Variants in PTPN21 observed in about 807,000 individuals in gnomAD.
PTPN21 encodes protein tyrosine phosphatase non-receptor type 21.
Under a neutral mutation model 131.8 loss-of-function variants are expected in PTPN21, and 77 were observed. The observed-to-expected ratio is 0.58, with a 90% CI of 0.49 to 0.71. PTPN21 has a LOEUF of 0.71. Among genes scored for constraint, PTPN21 ranks in the 30% least tolerant of loss-of-function variants. The pLI, the probability that PTPN21 is intolerant of heterozygous loss-of-function variation, is 0.00. For synonymous variants in PTPN21, 715 were observed against 621.3 expected, an observed-to-expected ratio of 1.15 and a Z score of -2.24; for missense variants, 1,552 against 1,527.1, an observed-to-expected ratio of 1.02 and a Z score of -0.27.
At chr14:88,503,674 C>T (rs751128906) in intron 6 of PTPN21, among the ~76,000 whole-genome samples, 6 of 152,070 alleles carry the variant, frequency 3.9e-5, no homozygotes, top group Admixed American at 1.3e-4. Context: ...TCTGAGAACA[C>T]GTAGGGTAGG....
At chr14:88,470,914 C>CA (rs2077454883) in intron 15 of PTPN21, among the ~76,000 whole-genome samples, 1 of 152,170 alleles carries the variant, frequency 6.6e-6, no homozygotes, top group Non-Finnish European at 1.5e-5. Flanking sequence ...GGTCCCACCT[C>CA]ATTTTAGATC....
At chr14:88,487,174 T>C (rs1462212968) in intron 10 of PTPN21, among the ~76,000 whole-genome samples, 1 of 151,972 alleles carries the variant, frequency 6.6e-6, no homozygotes, top group East Asian at 1.9e-4. Context: ...TTTTTTCTTC[T>C]GTGTGGTCAG....
intron 12 of PTPN21, among the ~76,000 whole-genome samples, chr14:88,482,308 T>C (rs1366661445): frequency 6.6e-6 from 1 of 151,764 alleles, no homozygotes; most frequent in Non-Finnish European, 1.5e-5. Flanking sequence ...TTGTGTGGAG[T>C]CTCGAACACC....
chr14:88,469,557 G>A lies in PTPN21; in HGVS notation c.3177C>T (p.His1059=), dbSNP rs1399398830. ...LLTGQERTVW[H]LQYTDWPEHG... Reference sequence around the variant, plus strand: ...GTTCAGGCCAGTCTGTGTATTGGAGGTGCCAGACGGTCCTCTCTTGCCCAG... The same window carrying A: ...GTTCAGGCCAGTCTGTGTATTGGAGATGCCAGACGGTCCTCTCTTGCCCAG... Residue 1059 remains histidine (H), a synonymous_variant, in exon 17 of 19, where the codon CAC becomes CAT. Transcript: ENST00000556564. The surrounding 1 kb of genome is among the most constrained non-coding windows in gnomAD (Gnocchi z 4.3). 3.1e-6 allele frequency: 5 copies of A among 1,614,044 alleles called. No homozygotes were observed. The Admixed American group carries it at 5.0e-5, about 16-fold the overall frequency.
rs1173294222 is a variant in PTPN21, at chr14:88,473,010, A to AT, written c.2650-546dup. ...TGGCCTAAAGAAATTTGTTGAATTC[A>AT]TTTTCTCTAGATCTGTGGTCAATTT... On this transcript the variant is annotated intron_variant, in intron 14 of 18. Coordinates refer to ENST00000556564, the MANE Select transcript of PTPN21 (RefSeq NM_007039.4). Among the ~76,000 whole-genome samples the AT allele has an allele frequency of 2.0e-5, 3 of 152,260 alleles. No homozygotes were observed. In the East Asian group the frequency reaches 5.8e-4, roughly 29 times the overall value.
chr14:88,517,429 T>C (rs940441574), intron 2 of PTPN21, among the ~76,000 whole-genome samples, 168 bp from the exon 3 acceptor site: 1 of 152,052 alleles, frequency 6.6e-6, no homozygotes, highest in Non-Finnish European at 1.5e-5. Flanking sequence ...AGGTAAGACC[T>C]ATCTGTAACT....
rs766624901 is a variant in PTPN21, at chr14:88,479,940, G to A, written c.1491C>T (p.Arg497=). 1.9e-6 allele frequency: 3 copies of A among 1,606,456 alleles called. No individual in the cohort carries two copies. The highest frequency in any genetic ancestry group is 2.2e-5 in the East Asian group (1 of 44,860). Reference sequence around the variant, plus strand: ...CTGGCGAGGGGAGCTGTGCGTGCTCGCGGATCTCGGGCTGGCTGTAGACCA... The same window carrying A: ...CTGGCGAGGGGAGCTGTGCGTGCTCACGGATCTCGGGCTGGCTGTAGACCA... ...AALVYSQPEI[R]EHAQLPSPAA... is the part of the protein sequence containing the mutation. Residue 497 remains arginine, a synonymous_variant, in exon 13 of 19, where the codon CGC becomes CGT. Coordinates refer to ENST00000556564, the MANE Select transcript of PTPN21 (RefSeq NM_007039.4).
intron 2 of PTPN21, among the ~76,000 whole-genome samples, chr14:88,519,743 C>T (rs1006400506): frequency 1.3e-5 from 2 of 152,122 alleles, no homozygotes; most frequent in African/African-American, 4.8e-5. Context: ...TAGAATACTG[C>T]TGGAATTCAA....
At chr14:88,491,891 G>GCCAA (rs1332255015) in intron 10 of PTPN21, among the ~76,000 whole-genome samples, 1 of 152,134 alleles carries the variant, frequency 6.6e-6, no homozygotes, top group Non-Finnish European at 1.5e-5. Context: ...TGACATTAAT[G>GCCAA]TAGTTTTGTT....
intron 13 of PTPN21, among the ~76,000 whole-genome samples, chr14:88,474,131 C>CAAAAAAAAAAA (rs754719071): frequency 4.1e-4 from 19 of 46,654 alleles, no homozygotes; most frequent in African/African-American, 7.1e-4. Context: ...AGCTGAAGTC[C>CAAAAAAAAAAA]AAAAAAAAAA....
chr14:88,511,058 G>A (rs924147132), intron 3 of PTPN21, among the ~76,000 whole-genome samples: 5 of 151,916 alleles, frequency 3.3e-5, no homozygotes, highest in Non-Finnish European at 5.9e-5. Context: ...GACCACAGGT[G>A]TACACCACCA....
At chr14:88,501,642 A>C (rs1335938133) in intron 6 of PTPN21, among the ~76,000 whole-genome samples, 3 of 152,126 alleles carry the variant, frequency 2.0e-5, no homozygotes, top group Non-Finnish European at 4.4e-5. Flanking sequence ...TCTTAGGGTG[A>C]AATCTTGAAC....
At chr14:88,554,402 G>A (rs566889740) in intron 1 of PTPN21, among the ~76,000 whole-genome samples, 2 of 152,274 alleles carry the variant, frequency 1.3e-5, no homozygotes, top group African/African-American at 2.4e-5. Context: ...GAATTAACCC[G>A]CAACAATCGG....
intron 1 of PTPN21, chr14:88,552,141 A>T (rs1595428434): frequency 6.6e-6 from 1 of 152,298 alleles, no homozygotes; most frequent in East Asian, 1.9e-4. Flanking sequence ...CAGGAAGAGA[A>T]GCGGCTTTCG....
At chr14:88,482,904 G>C (rs948774576) in intron 12 of PTPN21, among the ~76,000 whole-genome samples, 1 of 151,578 alleles carries the variant, frequency 6.6e-6, no homozygotes, top group Middle Eastern at 3.2e-3. Flanking sequence ...GCAGCACACA[G>C]AGAGTACTCT....
chr14:88,528,444 T>C (rs2078511357), intron 2 of PTPN21, among the ~76,000 whole-genome samples: 1 of 152,374 alleles, frequency 6.6e-6, no homozygotes, highest in Non-Finnish European at 1.5e-5. Flanking sequence ...GATTTCATTC[T>C]CAACTTCATC....
chr14:88,468,088 T>A lies in PTPN21; in HGVS notation c.*49A>T, dbSNP rs778142300. ...ATGAGTTAGGCAAGCGCTTTTTTTTTAAGCTGTAAACGCTTCACATGACTG... is the reference window on the plus strand; with the variant it reads ...ATGAGTTAGGCAAGCGCTTTTTTTTAAAGCTGTAAACGCTTCACATGACTG... On this transcript the variant is annotated 3_prime_UTR_variant, in exon 19 of 19. Transcript: ENST00000556564. 1.6e-5 allele frequency: 25 copies of A among 1,599,564 alleles called. No individual in the cohort carries two copies. The highest frequency in any genetic ancestry group is 5.6e-5 in the South Asian group (5 of 89,404).
chr14:88,550,260 G>T lies in PTPN21; in HGVS notation c.158C>A (p.Ala53Asp). ...STGQESLEAV[A>D]QRLELREVTY... ...TACCTCCCGCAGCTCCAGCCTCTGGGCCACGGCCTCGAGGCTTTCCTGGCC... is the reference window on the plus strand; with the variant it reads ...TACCTCCCGCAGCTCCAGCCTCTGGTCCACGGCCTCGAGGCTTTCCTGGCC... The change falls in exon 2 of 19, where the codon GCC becomes GAC. Residue 53 changes from alanine (A) to aspartate (D), a missense_variant. By Grantham distance (126) the Ala-to-Asp change is moderately radical. Coordinates refer to ENST00000556564, the MANE Select transcript of PTPN21 (RefSeq NM_007039.4). 6.2e-7 allele frequency: 1 copy of T among 1,613,962 alleles called. No individual in the cohort carries two copies. Among genetic ancestry groups the T allele is most frequent in the Non-Finnish European group, 8.5e-7 (1 of 1,179,956 alleles).
In PTPN21 at chr14:88,498,638, A is replaced by C. The variant is rs557593093; in HGVS notation, c.765-1348T>G. 2.6e-5 allele frequency among the ~76,000 whole-genome samples: 4 copies of C among 152,316 alleles called. No individual in the cohort carries two copies. The South Asian group carries it at 8.3e-4, about 32-fold the overall frequency. Reference sequence around the variant, plus strand: ...AAGGTGGGAGAAAGAACACAGAAGCAAACAAGAACTTTTAAGTGCTGCAGG... The same window carrying C: ...AAGGTGGGAGAAAGAACACAGAAGCCAACAAGAACTTTTAAGTGCTGCAGG... On this transcript the variant is annotated intron_variant, in intron 8 of 18. Transcript: ENST00000556564.
Sources: allele counts gnomAD v4.1 joint callset (sites outside exome capture counted in the v4.1 genomes callset), GRCh38; gene constraint gnomAD v4.1.1; non-coding constraint Gnocchi (gnomAD v3.1); transcripts MANE v1.5; gene names NCBI Gene and HGNC (gene_info 2026-07-23, HGNC 2026-07-21).